AKNAD1: variants seen among roughly 807,000 people sequenced by gnomAD.
The protein encoded by AKNAD1 is AKNA domain containing 1.
In AKNAD1, 67 loss-of-function variants were observed where a neutral mutation model predicts 90.8. The observed-to-expected ratio is 0.74, with a 90% CI of 0.61 to 0.90. AKNAD1 has a LOEUF of 0.90. Among genes scored for constraint, AKNAD1 ranks in the 40% least tolerant of loss-of-function variants. AKNAD1 has a pLI of 0.00. For missense variants in AKNAD1, 957 were observed against 975.4 expected, an observed-to-expected ratio of 0.98 and a Z score of 0.25; for synonymous variants, 327 against 341.4, an observed-to-expected ratio of 0.96 and a Z score of 0.46.
At chr1:108,829,979 T>C (rs1030194972) in intron 10 of AKNAD1, among the ~76,000 whole-genome samples, 1 of 152,230 alleles carries the variant, frequency 6.6e-6, no homozygotes, top group African/African-American at 2.4e-5. Context: ...TTACATGATT[T>C]ACAGCTTGTT....
Position 108,827,321 on chromosome 1 carries a change from G to A in AKNAD1, c.1839-19C>T. The A allele has an allele frequency of 6.4e-7, 1 of 1,568,084 alleles. No homozygotes were observed. The highest frequency in any genetic ancestry group is 8.8e-7 in the Non-Finnish European group (1 of 1,141,362). Reference sequence around the variant, plus strand: ...TTGCTTCCTAAAAAAAGGTGCATAAGATCCTGTAAACTTTTAGTGCATTTC... The same window carrying A: ...TTGCTTCCTAAAAAAAGGTGCATAAAATCCTGTAAACTTTTAGTGCATTTC... On this transcript the variant is annotated intron_variant, in intron 10 of 15. Coordinates refer to ENST00000370001, the MANE Select transcript of AKNAD1 (RefSeq NM_152763.5).
intron 10 of AKNAD1, among the ~76,000 whole-genome samples, chr1:108,829,547 C>T (rs1664115659): frequency 6.6e-6 from 1 of 152,156 alleles, no homozygotes; most frequent in African/African-American, 2.4e-5. Context: ...AAGGGCAGCT[C>T]AAAGCTGATG....
At chr1:108,818,903 G>T (rs1423916492) in intron 14 of AKNAD1, among the ~76,000 whole-genome samples, 8 of 147,772 alleles carry the variant, frequency 5.4e-5, no homozygotes, top group African/African-American at 1.7e-4. Context: ...GGCAGAGGTT[G>T]CAGTGAGCCA....
chr1:108,831,974 T>C (rs757167195), intron 9 of AKNAD1, among the ~76,000 whole-genome samples: 17 of 152,040 alleles, frequency 1.1e-4, no homozygotes, highest in Non-Finnish European at 1.9e-4. Context: ...CCTTTGTCCA[T>C]TAATTTTCTT....
rs35559697 is a variant in AKNAD1 at position 108,844,377 on chromosome 1, C to CATATATATAT, written c.1246-1120_1246-1111dup. Among the ~76,000 whole-genome samples the CATATATATAT allele has an allele frequency of 7.6e-4, 111 of 145,112 alleles. 1 individual carries two copies. Among genetic ancestry groups the CATATATATAT allele is most frequent in the African/African-American group, 2.7e-3 (106 of 39,130 alleles). On this transcript the variant is annotated intron_variant, in intron 5 of 15. Transcript: ENST00000370001. ...GACTCCATCTCTCTCTCTCTCTCTC[C>CATATATATAT]ATATATATATATATATATATACCAA...
At chr1:108,845,306 G>A (rs1664672958) in intron 5 of AKNAD1, among the ~76,000 whole-genome samples, 1 of 152,096 alleles carries the variant, frequency 6.6e-6, no homozygotes, top group Non-Finnish European at 1.5e-5. Flanking sequence ...GGTTTTAGTC[G>A]ATGGAAGGCA....
intron 9 of AKNAD1, 142 bp from the exon 10 acceptor site, chr1:108,830,792 T>C (rs1159373932): frequency 2.0e-5 from 15 of 732,796 alleles, no homozygotes; most frequent in Admixed American, 6.6e-5. Flanking sequence ...TCTCCTCCAG[T>C]TGGGGAAAGG....
intron 9 of AKNAD1, among the ~76,000 whole-genome samples, chr1:108,832,298 C>T (rs1400355355): frequency 6.7e-6 from 1 of 149,704 alleles, no homozygotes; most frequent in African/African-American, 2.5e-5. Flanking sequence ...TCACTGCAAC[C>T]TCCACCTCCC....
At chr1:108,834,317 C>G (rs544382719) in intron 9 of AKNAD1, 130 bp downstream of exon 9, 2 of 734,014 alleles carry the variant, frequency 2.7e-6, no homozygotes, top group Non-Finnish European at 4.4e-6. Context: ...CACTGACACC[C>G]AGGATGCCAT....
Position 108,835,026 on chromosome 1 carries a change from C to A in AKNAD1, c.1567G>T (p.Gly523Trp). The A allele has an allele frequency of 6.4e-7, 1 of 1,572,758 alleles. No homozygotes were observed. The highest frequency in any genetic ancestry group is 1.2e-5 in the South Asian group (1 of 85,598). ...IPKEHPGHPSGPRGSGGSEVT... is the reference protein window; with the variant it reads ...IPKEHPGHPSWPRGSGGSEVT... ...TCACTCCCACCTGAGCCTCGAGGCCCAGAAGGGTGGCCGGGGTGCTCCTTG... is the reference window on the plus strand; with the variant it reads ...TCACTCCCACCTGAGCCTCGAGGCCAAGAAGGGTGGCCGGGGTGCTCCTTG... Residue 523 changes from glycine (G) to tryptophan (W), a missense_variant, in exon 8 of 16, where the codon GGG becomes TGG. Gly to Trp is a radical substitution (Grantham distance 184). Transcript: ENST00000370001.
At chr1:108,848,649 C>A in intron 5 of AKNAD1, 103 bp downstream of exon 5, 1 of 1,025,024 alleles carries the variant, frequency 9.8e-7, no homozygotes, top group Non-Finnish European at 1.4e-6. Context: ...AAAACATTTC[C>A]ACTCCCACCA....
chr1:108,843,472 C>A (rs960262779), intron 5 of AKNAD1, among the ~76,000 whole-genome samples: 2 of 152,240 alleles, frequency 1.3e-5, no homozygotes, highest in East Asian at 1.9e-4. Flanking sequence ...CAAACCCTCA[C>A]AGCACACAGC....
chr1:108,837,813 T>C, intron 6 of AKNAD1, 107 bp from the exon 7 acceptor site: 1 of 1,257,286 alleles, frequency 8.0e-7, no homozygotes, highest in African/African-American at 1.5e-5. Flanking sequence ...TAATGTGGCC[T>C]GTCTTCTGTC....
intron 7 of AKNAD1, 171 bp downstream of exon 7, chr1:108,837,379 A>G: frequency 1.7e-6 from 1 of 602,296 alleles, no homozygotes; most frequent in Non-Finnish European, 2.7e-6. Context: ...AATAGCTTCT[A>G]ATCTTTAAAA....
intron 5 of AKNAD1, among the ~76,000 whole-genome samples, chr1:108,844,862 A>G (rs2101205297): frequency 6.6e-6 from 1 of 150,806 alleles, no homozygotes; most frequent in East Asian, 1.9e-4. Context: ...TCTGTCACCC[A>G]GGCTGGAGTG....
intron 1 of AKNAD1, among the ~76,000 whole-genome samples, 184 bp downstream of exon 1, chr1:108,856,745 A>ACACAC (rs1400694001): frequency 4.0e-5 from 6 of 151,196 alleles, no homozygotes; most frequent in African/African-American, 9.7e-5. Context: ...CACACACACA[A>ACACAC]ACACACACAC....
intron 13 of AKNAD1, 162 bp downstream of exon 13, chr1:108,823,208 G>A (rs1177821270): frequency 2.8e-6 from 2 of 727,062 alleles, no homozygotes; most frequent in South Asian, 2.9e-5. Flanking sequence ...TCCAGATGTA[G>A]GGCTGGATTT....
Position 108,852,284 on chromosome 1 carries a change from G to A in AKNAD1, c.381C>T (p.Gly127=), listed in dbSNP as rs755514061. 2 of 1,614,108 alleles carry A rather than the reference G, an allele frequency of 1.2e-6. No homozygotes were observed. The highest frequency in any genetic ancestry group is 1.7e-6 in the Non-Finnish European group (2 of 1,180,022). Residue 127 remains glycine (G), a synonymous_variant, in exon 2 of 16, where the codon GGC becomes GGT. Transcript: ENST00000370001. ...LSKEPFLRGQ[G]IDCETLPEIS... ...TCTCTGGGAGGGTTTCACAATCAATGCCTTGACCTCTTAAGAATGGCTCTT... is the reference window on the plus strand; with the variant it reads ...TCTCTGGGAGGGTTTCACAATCAATACCTTGACCTCTTAAGAATGGCTCTT...
intron 10 of AKNAD1, among the ~76,000 whole-genome samples, chr1:108,829,314 T>C (rs1409858792): frequency 1.4e-5 from 2 of 146,890 alleles, no homozygotes; most frequent in East Asian, 4.7e-4. Context: ...CATTGGTCCC[T>C]GTCTTGGTAC....
Sources: gnomAD v4.1 joint callset for allele counts (sites outside exome capture counted in the v4.1 genomes callset) on GRCh38, gnomAD v4.1.1 for gene constraint, MANE v1.5 for transcripts, NCBI Gene and HGNC (gene_info 2026-07-23, HGNC 2026-07-21) for gene names.